Variants in ANKRD36 observed in about 807,000 individuals in gnomAD.
The protein encoded by ANKRD36 is ankyrin repeat domain-containing protein 36A.
Under a neutral mutation model 278.1 loss-of-function variants are expected in ANKRD36, and 179 were observed. That is an observed-to-expected ratio of 0.64 (90% CI 0.57 to 0.73). The LOEUF is 0.73. ANKRD36 is among the 30% of genes least tolerant of loss of function. The pLI, the probability that ANKRD36 is intolerant of heterozygous loss-of-function variation, is 0.00. For missense variants in ANKRD36, 1,159 were observed against 1,956.7 expected, an observed-to-expected ratio of 0.59 and a Z score of 7.69; for synonymous variants, 320 against 641.1, an observed-to-expected ratio of 0.50 and a Z score of 7.57.
At chr2:97,224,436 G>GTTTT (rs1457069314) in intron 66 of ANKRD36, among the ~76,000 whole-genome samples, 2 of 142,470 alleles carry the variant, frequency 1.4e-5, no homozygotes, top group African/African-American at 2.5e-5. Context: ...CTATCGTTTT[G>GTTTT]TTTTTTTGTT....
chr2:97,188,247 A>T (rs1360030537), intron 32 of ANKRD36, among the ~76,000 whole-genome samples: 2 of 151,810 alleles, frequency 1.3e-5, no homozygotes, highest in Non-Finnish European at 2.9e-5. Flanking sequence ...CTATTTTAGA[A>T]CAAAAATTAT....
intron 4 of ANKRD36, among the ~76,000 whole-genome samples, chr2:97,123,637 A>ATATAT (rs2037581648): frequency 1.0e-5 from 1 of 96,388 alleles, no homozygotes; most frequent in African/African-American, 2.8e-5. Context: ...ATATATATAT[A>ATATAT]ATGTTAGAAT....
chr2:97,124,391 T>C (rs2037941459), intron 4 of ANKRD36, 69 bp from the exon 5 acceptor site: 1 of 1,496,516 alleles, frequency 6.7e-7, no homozygotes, highest in Non-Finnish European at 8.9e-7. Context: ...ACATATTAAG[T>C]TGATAAAGTA....
chr2:97,144,764 C>T (rs2043825885), intron 10 of ANKRD36, 52 bp downstream of exon 10: 1 of 1,531,108 alleles, frequency 6.5e-7, no homozygotes, highest in Admixed American at 2.1e-5. Context: ...TAGAGAACTT[C>T]CCTTCCCCAA....
chr2:97,193,005 G>A lies in ANKRD36; in HGVS notation c.2401G>A (p.Val801Ile), dbSNP rs1452039085. 13 of 1,577,876 alleles carry A rather than the reference G, an allele frequency of 8.2e-6. No individual in the cohort carries two copies. The highest frequency in any genetic ancestry group is 4.1e-5 in the African/African-American group (3 of 73,672). The change falls in exon 38 of 76, where the codon GTT becomes ATT. Residue 801 changes from valine to isoleucine, a missense_variant. Transcript: ENST00000420699. ...GGCTACAAGTGACGAGGAAGGTTCTGTTTTGAGTATAGCCAGAGAAAACAA... is the reference window on the plus strand; with the variant it reads ...GGCTACAAGTGACGAGGAAGGTTCTATTTTGAGTATAGCCAGAGAAAACAA... Reference protein sequence around the residue: ...LTATSDEEGSVLSIARENKDG... With the variant: ...LTATSDEEGSILSIARENKDG...
In ANKRD36 at chr2:97,206,133, C is replaced by T. The variant is rs755325852; in HGVS notation, c.3161C>T (p.Thr1054Ile). The T allele has an allele frequency of 2.0e-5, 30 of 1,535,708 alleles. No homozygotes were observed. The highest frequency in any genetic ancestry group is 4.0e-5 in the Admixed American group (2 of 49,932). The change falls in exon 52 of 76, where the codon ACA becomes ATA. Residue 1054 changes from threonine to isoleucine, a missense_variant and splice_region_variant. Transcript: ENST00000420699. ...RENKDGEKSR[T>I]VSSEKPSGLK... ...AACAAGGATGGAGAAAAATCTAGGA[C>T]AGGTAATTCTGAAAACAGATTTAAT...
At chr2:97,133,824 T>C (rs1460661449) in intron 6 of ANKRD36, among the ~76,000 whole-genome samples, 8 of 152,066 alleles carry the variant, frequency 5.3e-5, no homozygotes, top group Admixed American at 3.3e-4. Flanking sequence ...AGATTTTTCA[T>C]ATACGCCATC....
At chr2:97,188,004 A>G (rs1373030942) in intron 32 of ANKRD36, among the ~76,000 whole-genome samples, 1 of 151,784 alleles carries the variant, frequency 6.6e-6, no homozygotes, top group African/African-American at 2.4e-5. Flanking sequence ...TGGCAGCTCC[A>G]GGAATTACTG....
intron 62 of ANKRD36, chr2:97,216,681 C>T (rs1235444757): frequency 2.0e-5 from 6 of 303,234 alleles, no homozygotes; most frequent in South Asian, 1.2e-4. Flanking sequence ...ACTGAAGAGA[C>T]GTGAAGTGTA....
At chr2:97,201,562 T>A (rs1395496538) in intron 46 of ANKRD36, among the ~76,000 whole-genome samples, 7 of 151,918 alleles carry the variant, frequency 4.6e-5, no homozygotes, top group Non-Finnish European at 7.4e-5. Context: ...ATGAAGAAAC[T>A]TTTGGAAGTC....
intron 67 of ANKRD36, among the ~76,000 whole-genome samples, chr2:97,225,123 C>A (rs573685665): frequency 2.6e-3 from 388 of 151,888 alleles, no homozygotes; most frequent in African/African-American, 9.0e-3. Flanking sequence ...ATTGTTTGCA[C>A]TTCTATTTTT....
intron 38 of ANKRD36, 130 bp downstream of exon 38, chr2:97,193,183 C>G (rs900635778): frequency 3.0e-6 from 3 of 986,490 alleles, no homozygotes; most frequent in Non-Finnish European, 4.3e-6. Context: ...TTCTTCATTT[C>G]AAATAAGTTC....
intron 30 of ANKRD36, 124 bp from the exon 31 acceptor site, chr2:97,187,074 A>G: frequency 6.7e-7 from 1 of 1,496,010 alleles, no homozygotes; most frequent in Non-Finnish European, 9.0e-7. Context: ...GACATAAAGT[A>G]GAAAACATCA....
chr2:97,171,783 C>T lies in ANKRD36; in HGVS notation c.1633+4016C>T, dbSNP rs1320275485. Among the ~76,000 whole-genome samples, 19 of 148,686 alleles carry T rather than the reference C, an allele frequency of 1.3e-4. 1 individual carries two copies. The highest frequency in any genetic ancestry group is 1.1e-3 in the Admixed American group (16 of 14,914). On this transcript the variant is annotated intron_variant, in intron 22 of 75. Transcript: ENST00000420699. ...ACTCAAGATAAATTAAAGACTTAAA[C>T]GTTTAAGTGAGACCTAAAACCATAA...
intron 52 of ANKRD36, among the ~76,000 whole-genome samples, chr2:97,206,918 C>T (rs900076488): frequency 6.6e-6 from 1 of 151,490 alleles, no homozygotes; most frequent in Non-Finnish European, 1.5e-5. Context: ...ATAGCTATTT[C>T]ATGAAACTTC....
Position 97,177,228 on chromosome 2 carries a change from A to G in ANKRD36, c.1634-2510A>G, listed in dbSNP as rs1312478761. Among the ~76,000 whole-genome samples, 9 of 152,090 alleles carry G rather than the reference A, an allele frequency of 5.9e-5. No individual in the cohort carries two copies. In the East Asian group the frequency reaches 1.2e-3, roughly 20 times the overall value. The stretch of plus-strand genomic sequence containing the variant: ...CCATGCTCATGCATAGGAAGAATCA[A>G]TATCGTGAAAATGGCCATACTGCCC... On this transcript the variant is annotated intron_variant, in intron 22 of 75. Transcript: ENST00000420699.
chr2:97,118,224 G>GTA (rs1204731047), intron 2 of ANKRD36, 46 bp downstream of exon 2: 1 of 1,577,154 alleles, frequency 6.3e-7, no homozygotes, highest in African/African-American at 1.3e-5. Context: ...TTTGGTTGAA[G>GTA]TACATAGGAT....
intron 54 of ANKRD36, among the ~76,000 whole-genome samples, chr2:97,208,371 A>T (rs1407397879): frequency 6.8e-6 from 1 of 146,666 alleles, no homozygotes. Flanking sequence ...TACTGCCAAG[A>T]AAAGACAGAA....
intron 50 of ANKRD36, 79 bp from the exon 51 acceptor site, chr2:97,205,861 G>C (rs1262639618): frequency 6.8e-7 from 1 of 1,469,986 alleles, no homozygotes; most frequent in Non-Finnish European, 9.2e-7. Context: ...GACAGAGGTT[G>C]ATGCTAACTC....
Sources: gnomAD v4.1 joint callset for allele counts (sites outside exome capture counted in the v4.1 genomes callset) on GRCh38, gnomAD v4.1.1 for gene constraint, MANE v1.5 for transcripts, NCBI Gene and HGNC (gene_info 2026-07-23, HGNC 2026-07-21) for gene names.